DACH1: variants seen among roughly 807,000 people sequenced by gnomAD.
The protein encoded by DACH1 is dachshund family transcription factor 1.
Under a neutral mutation model 54.2 loss-of-function variants are expected in DACH1, and 12 were observed. The observed-to-expected ratio is 0.22, with a 90% CI of 0.14 to 0.36. The LOEUF (loss-of-function observed/expected upper bound fraction) is 0.36, where lower values mean the gene tolerates loss of function less well. DACH1 is among the 10% of genes least tolerant of loss of function. DACH1 has a pLI of 1.00. For synonymous variants in DACH1, 386 were observed against 366.2 expected, an observed-to-expected ratio of 1.05 and a Z score of -0.62; for missense variants, 805 against 929.8, an observed-to-expected ratio of 0.87 and a Z score of 1.75.
chr13:71,696,488 T>G (rs577329984), intron 1 of DACH1, among the ~76,000 whole-genome samples: 6 of 152,242 alleles, frequency 3.9e-5, no homozygotes, highest in Admixed American at 3.9e-4. Flanking sequence ...ATAAAAATGT[T>G]TCAGCCTTAA....
intron 2 of DACH1, among the ~76,000 whole-genome samples, chr13:71,653,388 C>T (rs1266544879): frequency 2.0e-5 from 3 of 152,132 alleles, no homozygotes; most frequent in Non-Finnish European, 4.4e-5. Flanking sequence ...GAAGTATGAC[C>T]GTCAGTCAAT....
chr13:71,864,561 AATTTTGCGCGC>A (rs1182585198), intron 1 of DACH1, among the ~76,000 whole-genome samples: 1 of 151,958 alleles, frequency 6.6e-6, no homozygotes, highest in Non-Finnish European at 1.5e-5. Context: ...TTTCTGCGCA[AATTTTGCGCGC>A]AGTTCCCACG....
intron 1 of DACH1, among the ~76,000 whole-genome samples, chr13:71,706,984 A>G (rs991376976): frequency 5.3e-5 from 8 of 152,212 alleles, no homozygotes; most frequent in Admixed American, 1.3e-4. Flanking sequence ...ATTTGATATT[A>G]AAGTCTTAGA....
Position 71,804,297 on chromosome 13 carries a change from G to T in DACH1, c.848+61625C>A, listed in dbSNP as rs138221887. On this transcript the variant is annotated intron_variant, in intron 1 of 10. Coordinates refer to ENST00000613252, the MANE Select transcript of DACH1 (RefSeq NM_080759.6). Reference sequence around the variant, plus strand: ...TACTGGACTCCAGCCTCGGCAACAGGGTGAGACCTTGTCTCAGAGAAGAAA... The same window carrying T: ...TACTGGACTCCAGCCTCGGCAACAGTGTGAGACCTTGTCTCAGAGAAGAAA... 6.8e-3 allele frequency among the ~76,000 whole-genome samples: 1,030 copies of T among 152,150 alleles called. 7 individuals are homozygous for T. Among genetic ancestry groups the T allele is most frequent in the Non-Finnish European group, 9.9e-3 (672 of 67,994 alleles).
intron 3 of DACH1, among the ~76,000 whole-genome samples, chr13:71,626,153 A>T (rs981758477): frequency 6.6e-6 from 1 of 151,956 alleles, no homozygotes; most frequent in Non-Finnish European, 1.5e-5. Flanking sequence ...TATTTAATGT[A>T]TTTATCTTTA....
At chr13:71,469,482 G>A (rs2138158194) in intron 10 of DACH1, among the ~76,000 whole-genome samples, 1 of 152,184 alleles carries the variant, frequency 6.6e-6, no homozygotes, top group Non-Finnish European at 1.5e-5. Context: ...AAAAGAGTAA[G>A]AAGGGAATAA....
intron 3 of DACH1, among the ~76,000 whole-genome samples, chr13:71,588,202 A>T (rs1224743708): frequency 6.6e-6 from 1 of 152,094 alleles, no homozygotes; most frequent in African/African-American, 2.4e-5. Context: ...TTTCTTTGTC[A>T]TGAAAATACT....
chr13:71,547,090 A>C (rs1430946970), intron 6 of DACH1, among the ~76,000 whole-genome samples: 1 of 152,078 alleles, frequency 6.6e-6, no homozygotes, highest in Non-Finnish European at 1.5e-5. Context: ...TAGACTAATG[A>C]AAACCTTCAA....
intron 1 of DACH1, among the ~76,000 whole-genome samples, chr13:71,752,960 C>T (rs2137983283): frequency 6.6e-6 from 1 of 152,272 alleles, no homozygotes; most frequent in African/African-American, 2.4e-5. Context: ...AGCATCAGGA[C>T]AGGCAGCAGG....
At chr13:71,845,903 T>A (rs2138248962) in intron 1 of DACH1, 1 of 153,338 alleles carries the variant, frequency 6.5e-6, no homozygotes, top group South Asian at 2.0e-4. Flanking sequence ...GATAACGAAC[T>A]CGTTAACATT....
chr13:71,679,790 C>A (rs1880786856), intron 2 of DACH1, among the ~76,000 whole-genome samples: 1 of 151,880 alleles, frequency 6.6e-6, no homozygotes, highest in South Asian at 2.1e-4. Context: ...CGAGACCATC[C>A]TGGCCAACAT....
At chr13:71,646,171 T>C (rs747750909) in intron 2 of DACH1, among the ~76,000 whole-genome samples, 2 of 151,970 alleles carry the variant, frequency 1.3e-5, no homozygotes, top group Admixed American at 1.3e-4. Flanking sequence ...GTCCCATCTC[T>C]AGTAAAAATA....
intron 6 of DACH1, among the ~76,000 whole-genome samples, chr13:71,552,820 TATATATATATATATATATATATAG>T (rs1215056987): frequency 6.4e-4 from 36 of 56,462 alleles, no homozygotes; most frequent in African/African-American, 1.6e-3. Flanking sequence ...TATATATATA[TATATATATATATATATATATATAG>T]AGAGAGAGAG....
At chr13:71,646,197 C>T (rs185032168) in intron 2 of DACH1, among the ~76,000 whole-genome samples, 1 of 151,926 alleles carries the variant, frequency 6.6e-6, no homozygotes, top group Admixed American at 6.6e-5. Flanking sequence ...ATTAGCCAGG[C>T]ATGGTGGCGG....
chr13:71,744,894 A>G (rs1884542983), intron 1 of DACH1, among the ~76,000 whole-genome samples: 1 of 152,196 alleles, frequency 6.6e-6, no homozygotes. Flanking sequence ...TCAAACATGA[A>G]TTCTACATAA....
intron 1 of DACH1, among the ~76,000 whole-genome samples, chr13:71,709,011 C>A (rs947110328): frequency 4.6e-5 from 7 of 151,878 alleles, no homozygotes; most frequent in African/African-American, 1.7e-4. Flanking sequence ...CGCCACCATG[C>A]CCGACTAATT....
At position 71,765,756 on chromosome 13, in the gene DACH1, A is replaced by AT. The variant is rs1885592572; in HGVS notation, c.849-83847dup. Among the ~76,000 whole-genome samples, 3 of 152,308 alleles carry AT rather than the reference A, an allele frequency of 2.0e-5. No individual in the cohort carries two copies. In the South Asian group the frequency reaches 6.2e-4, roughly 32 times the overall value. ...AGTGAGATTTAAGACCCCCAGTTTTATAAGTAATGTTTCCATAACAACTAA... is the reference window on the plus strand; with the variant it reads ...AGTGAGATTTAAGACCCCCAGTTTTATTAAGTAATGTTTCCATAACAACTAA... On this transcript the variant is annotated intron_variant, in intron 1 of 10. Transcript: ENST00000613252.
chr13:71,836,396 G>A (rs1014289004), intron 1 of DACH1, among the ~76,000 whole-genome samples: 3 of 151,906 alleles, frequency 2.0e-5, no homozygotes, highest in East Asian at 1.9e-4. Flanking sequence ...ACTTTTAGAC[G>A]AGTAAGCTAA....
At chr13:71,565,278 C>T (rs1053699630) in intron 4 of DACH1, among the ~76,000 whole-genome samples, 1 of 152,092 alleles carries the variant, frequency 6.6e-6, no homozygotes, top group Non-Finnish European at 1.5e-5. Flanking sequence ...ATAACCAAAA[C>T]TTCTCAGCTT....
Sources: allele counts gnomAD v4.1 joint callset (sites outside exome capture counted in the v4.1 genomes callset), GRCh38; gene constraint gnomAD v4.1.1; transcripts MANE v1.5; gene names NCBI Gene and HGNC (gene_info 2026-07-23, HGNC 2026-07-21).